The following PARD3B variants were observed in gnomAD, a reference collection of about 807,000 sequenced individuals.
PARD3B encodes the protein partitioning defective 3 homolog B.
Under a neutral mutation model 130.2 loss-of-function variants are expected in PARD3B, and 103 were observed. That is an observed-to-expected ratio of 0.79 (90% CI 0.67 to 0.93). PARD3B has a LOEUF of 0.93. Ranked by LOEUF, PARD3B falls within the 40% of genes least tolerant of loss-of-function variation. The pLI is 0.00. For missense variants in PARD3B, 1,609 were observed against 1,499.2 expected, an observed-to-expected ratio of 1.07 and a Z score of -1.21; for synonymous variants, 583 against 553.2, an observed-to-expected ratio of 1.05 and a Z score of -0.76.
At chr2:205,551,055 G>A (rs2052623853) in intron 21 of PARD3B, among the ~76,000 whole-genome samples, 1 of 149,100 alleles carries the variant, frequency 6.7e-6, no homozygotes, top group Non-Finnish European at 1.5e-5. Flanking sequence ...GTCTCCTCAA[G>A]GCAACAGAAT....
At chr2:204,874,888 A>G (rs1010960628) in intron 2 of PARD3B, among the ~76,000 whole-genome samples, 1 of 152,148 alleles carries the variant, frequency 6.6e-6, no homozygotes, top group Non-Finnish European at 1.5e-5. Flanking sequence ...AAATTCATCC[A>G]TATTGTTGCA....
At chr2:204,825,727 T>G (rs1372214997) in intron 2 of PARD3B, among the ~76,000 whole-genome samples, 29 of 152,240 alleles carry the variant, frequency 1.9e-4, no homozygotes, top group Admixed American at 1.9e-3. Flanking sequence ...AATTATCCAC[T>G]GAAGTTACAG....
At chr2:205,355,805 C>A (rs372445119) in intron 18 of PARD3B, among the ~76,000 whole-genome samples, 30 of 152,052 alleles carry the variant, frequency 2.0e-4, no homozygotes, top group Non-Finnish European at 3.5e-4. Context: ...TGGCAGAAAG[C>A]GAAGGGCAAG....
rs1254075147 is a variant in PARD3B at position 205,461,467 on chromosome 2, G to T, written c.3044+20795G>T. On this transcript the variant is annotated intron_variant, in intron 20 of 22. Transcript: ENST00000406610. The surrounding 1 kb of genome is among the most constrained non-coding windows in gnomAD (Gnocchi z 4.3). ...TAGCACGGACTGCCATGTAGAAAAG[G>T]TCCCCTATTATTTCAGCACCACATT... Among the ~76,000 whole-genome samples the T allele has an allele frequency of 6.6e-6, 1 of 152,064 alleles. No individual in the cohort carries two copies. Among genetic ancestry groups the T allele is most frequent in the Admixed American group, 6.6e-5 (1 of 15,262 alleles).
Position 204,943,930 on chromosome 2 carries a change from A to C in PARD3B, c.223-21222A>C, listed in dbSNP as rs911791715. On this transcript the variant is annotated intron_variant, in intron 2 of 22. Coordinates refer to ENST00000406610, the MANE Select transcript of PARD3B (RefSeq NM_001302769.2). The surrounding 1 kb of genome is among the most constrained non-coding windows in gnomAD (Gnocchi z 4.2). ...GAAATTTAAAATAAATGCTAGCAAT[A>C]AGTTAGTAAAAGTAGAAAAGGGGAC... is the stretch of plus-strand genomic sequence containing the variant. 6.6e-6 allele frequency among the ~76,000 whole-genome samples: 1 copy of C among 152,246 alleles called. No individual in the cohort carries two copies. The highest frequency in any genetic ancestry group is 2.4e-5 in the African/African-American group (1 of 41,476).
At chr2:205,243,769 G>A (rs1293446646) in intron 15 of PARD3B, among the ~76,000 whole-genome samples, 1 of 152,102 alleles carries the variant, frequency 6.6e-6, no homozygotes, top group Admixed American at 6.5e-5. Context: ...CCATTTATGA[G>A]GTGTATGTCA....
intron 16 of PARD3B, among the ~76,000 whole-genome samples, chr2:205,275,612 G>A (rs1204846183): frequency 6.6e-6 from 1 of 151,996 alleles, no homozygotes; most frequent in Non-Finnish European, 1.5e-5. Flanking sequence ...AAGGCAGGTG[G>A]ATCAGCTGAC....
At chr2:205,089,745 C>G (rs1223204413) in intron 4 of PARD3B, among the ~76,000 whole-genome samples, 1 of 152,130 alleles carries the variant, frequency 6.6e-6, no homozygotes, top group African/African-American at 2.4e-5. Context: ...TTTTTTGTAT[C>G]CAGTGGATGT....
intron 13 of PARD3B, among the ~76,000 whole-genome samples, chr2:205,181,078 T>C (rs543304353): frequency 6.6e-6 from 1 of 152,214 alleles, no homozygotes; most frequent in African/African-American, 2.4e-5. Context: ...CTTTTTCAGC[T>C]CAAGTGCACT....
rs1485353501 is a variant in PARD3B at position 205,473,763 on chromosome 2, A to C, written c.3045-26133A>C. Among the ~76,000 whole-genome samples, 3 of 139,458 alleles carry C rather than the reference A, an allele frequency of 2.2e-5. No homozygotes were observed. Among genetic ancestry groups the C allele is most frequent in the South Asian group, 2.2e-4 (1 of 4,480 alleles). The allele number at this position is 139,458 out of a possible 152,430, so 91.5% of individuals were successfully genotyped here. A position where few individuals can be genotyped will look rare whatever the true frequency, so the allele number is the denominator to read the frequency against. On this transcript the variant is annotated intron_variant, in intron 20 of 22. Coordinates refer to ENST00000406610, the MANE Select transcript of PARD3B (RefSeq NM_001302769.2). This position sits in a 1 kb window ranked among gnomAD's most constrained non-coding sequence, Gnocchi z 4.9. ...ATATATATATATATATATAACCTTA[A>C]ATATATATATTTTATATTTTTTTAA...
intron 16 of PARD3B, among the ~76,000 whole-genome samples, chr2:205,273,598 C>T (rs1207419): frequency 0.99 from 150,323 of 152,304 alleles, 74,207 homozygotes; most frequent in Middle Eastern, 1. Flanking sequence ...AGTAAAAATA[C>T]AAAATGGATT....
chr2:205,604,133 T>C (rs1325732423), intron 22 of PARD3B, among the ~76,000 whole-genome samples: 1 of 152,222 alleles, frequency 6.6e-6, no homozygotes, highest in Non-Finnish European at 1.5e-5. Context: ...TATTATATCC[T>C]GGGTTGGAAA....
At chr2:205,170,722 C>T (rs2035118560) in intron 11 of PARD3B, among the ~76,000 whole-genome samples, 1 of 152,128 alleles carries the variant, frequency 6.6e-6, no homozygotes, top group African/African-American at 2.4e-5. Flanking sequence ...CACAGTTTCC[C>T]TCCCAAAGCT....
At chr2:204,758,329 G>T (rs2125402760) in intron 2 of PARD3B, among the ~76,000 whole-genome samples, 1 of 152,186 alleles carries the variant, frequency 6.6e-6, no homozygotes, top group South Asian at 2.1e-4. Context: ...AATCCCTAAG[G>T]CATGTTTCAC....
chr2:205,250,898 C>T (rs141463923), intron 16 of PARD3B, among the ~76,000 whole-genome samples: 4,873 of 152,170 alleles, frequency 0.032, 93 homozygotes, highest in African/African-American at 0.046. Context: ...CACTGTGCCC[C>T]AGCCTGGGCA....
chr2:204,931,355 A>T (rs986950060), intron 2 of PARD3B, among the ~76,000 whole-genome samples: 1 of 152,112 alleles, frequency 6.6e-6, no homozygotes, highest in Non-Finnish European at 1.5e-5. Flanking sequence ...AGCTCTTAGC[A>T]TAGTGCCTGG....
intron 3 of PARD3B, among the ~76,000 whole-genome samples, chr2:205,022,622 G>GA (rs931843334): frequency 6.6e-6 from 1 of 152,154 alleles, no homozygotes; most frequent in African/African-American, 2.4e-5. Flanking sequence ...AAGATGAAGA[G>GA]AAAATCCGGA....
rs776453403 is a variant in PARD3B, at chr2:204,546,075, C to A, written c.76C>A (p.Leu26Ile). The A allele has an allele frequency of 6.4e-7, 1 of 1,559,448 alleles. No homozygotes were observed. Among genetic ancestry groups the A allele is most frequent in the South Asian group, 1.2e-5 (1 of 84,862 alleles). The change falls in exon 1 of 23, where the codon CTC (leucine) becomes ATC (isoleucine). Residue 26 changes from leucine (L) to isoleucine (I), a missense_variant. Transcript: ENST00000406610. ...CKEGQLRVGE[L>I]TQQALQRYLK... ...GGAGGGCCAGCTGCGCGTCGGCGAGCTCACCCAGCAGGCGCTGCAGCGGTA... is the reference window on the plus strand; with the variant it reads ...GGAGGGCCAGCTGCGCGTCGGCGAGATCACCCAGCAGGCGCTGCAGCGGTA...
At chr2:204,765,662 T>C (rs149399170) in intron 2 of PARD3B, among the ~76,000 whole-genome samples, 62 of 152,306 alleles carry the variant, frequency 4.1e-4, no homozygotes, top group African/African-American at 1.5e-3. Flanking sequence ...AAATTCAGCC[T>C]GAAAGAAGTA....
Sources: gnomAD v4.1 joint callset for allele counts (sites outside exome capture counted in the v4.1 genomes callset) on GRCh38, gnomAD v4.1.1 for gene constraint, Gnocchi (gnomAD v3.1) non-coding constraint, MANE v1.5 for transcripts, NCBI Gene and HGNC (gene_info 2026-07-23, HGNC 2026-07-21) for gene names.